SNX18: variants seen among roughly 807,000 people sequenced by gnomAD.
The protein encoded by SNX18 is sorting nexin-18.
In SNX18, 35 loss-of-function variants were observed where a neutral mutation model predicts 48.7. That is an observed-to-expected ratio of 0.72 (90% confidence interval 0.55 to 0.95). SNX18 has a LOEUF of 0.95. Among genes scored for constraint, SNX18 ranks in the 40% least tolerant of loss-of-function variants. SNX18 has a pLI of 0.00. For synonymous variants in SNX18, 492 were observed against 384.7 expected, an observed-to-expected ratio of 1.28 and a Z score of -3.26; for missense variants, 824 against 871.0, an observed-to-expected ratio of 0.95 and a Z score of 0.68.
the SNX18 span, among the ~76,000 whole-genome samples, chr5:54,567,152 G>A: frequency 1.3e-5 from 2 of 152,042 alleles, no homozygotes; most frequent in Non-Finnish European, 2.9e-5. Flanking sequence ...AGGTGACTTT[G>A]TCATTAAGGT....
chr5:54,554,683 C>A, the SNX18 span, among the ~76,000 whole-genome samples: 5 of 152,152 alleles, frequency 3.3e-5, no homozygotes, highest in African/African-American at 1.2e-4. Flanking sequence ...GTGTTAAAAG[C>A]AATGATGTGT....
the SNX18 span, among the ~76,000 whole-genome samples, chr5:54,635,676 T>C: frequency 6.6e-6 from 1 of 152,154 alleles, no homozygotes; most frequent in Non-Finnish European, 1.5e-5. Flanking sequence ...TCAGCAGAGA[T>C]CTTTCAGGAC....
chr5:54,585,240 TG>T, the SNX18 span, among the ~76,000 whole-genome samples: 1 of 150,994 alleles, frequency 6.6e-6, no homozygotes, highest in Non-Finnish European at 1.5e-5. Context: ...TGCAGTGAGT[TG>T]TTACCATGCT....
At chr5:54,568,053 C>G in the SNX18 span, among the ~76,000 whole-genome samples, 3 of 152,318 alleles carry the variant, frequency 2.0e-5, no homozygotes, top group Non-Finnish European at 4.4e-5. Context: ...TCATGCTTAA[C>G]TCACCCTTGG....
At chr5:54,548,893 C>T (rs1421623139), downstream of SNX18, among the ~76,000 whole-genome samples, 2 of 152,174 alleles carry the variant, frequency 1.3e-5, no homozygotes, top group Non-Finnish European at 2.9e-5. Flanking sequence ...TGTAGATGCT[C>T]AAGTCATAGA....
the SNX18 span, among the ~76,000 whole-genome samples, chr5:54,578,433 G>A: frequency 6.6e-6 from 1 of 152,194 alleles, no homozygotes; most frequent in Non-Finnish European, 1.5e-5. Flanking sequence ...CCCTTCAGCA[G>A]AGGCCCTGCG....
the SNX18 span, among the ~76,000 whole-genome samples, chr5:54,604,716 A>G: frequency 1.3e-5 from 2 of 152,214 alleles, no homozygotes; most frequent in African/African-American, 4.8e-5. Flanking sequence ...AACATTGTAA[A>G]TATGCTTAAT....
the SNX18 span, among the ~76,000 whole-genome samples, chr5:54,557,202 A>G: frequency 4.5e-4 from 69 of 152,324 alleles, no homozygotes; most frequent in Non-Finnish European, 7.3e-4. Flanking sequence ...CATACACCCA[A>G]TGCATGTCAG....
the SNX18 span, among the ~76,000 whole-genome samples, chr5:54,618,502 A>C: frequency 6.6e-6 from 1 of 152,194 alleles, no homozygotes; most frequent in Non-Finnish European, 1.5e-5. Context: ...GTGTCATGCT[A>C]GACCACTTCT....
chr5:54,632,795 G>C, the SNX18 span, among the ~76,000 whole-genome samples: 1 of 151,528 alleles, frequency 6.6e-6, no homozygotes, highest in South Asian at 2.1e-4. Context: ...TTTTTTTTGA[G>C]ATGGAGTCTT....
chr5:54,629,938 C>T, the SNX18 span, among the ~76,000 whole-genome samples: 1 of 152,160 alleles, frequency 6.6e-6, no homozygotes, highest in African/African-American at 2.4e-5. Flanking sequence ...TAGATTTTCC[C>T]TTAAGAACAA....
chr5:54,561,028 C>T, the SNX18 span, among the ~76,000 whole-genome samples: 7 of 152,152 alleles, frequency 4.6e-5, no homozygotes, highest in South Asian at 4.1e-4. Flanking sequence ...AATAGTCAAA[C>T]GTCTATTCTG....
the SNX18 span, among the ~76,000 whole-genome samples, chr5:54,590,550 G>C: frequency 6.6e-6 from 1 of 152,176 alleles, no homozygotes; most frequent in African/African-American, 2.4e-5. Context: ...TAGTGCAGGT[G>C]ATGTGGATTT....
Position 54,519,374 on chromosome 5 carries a change from C to T in SNX18, c.1422C>T (p.Leu474=). 6.2e-7 allele frequency: 1 copy of T among 1,613,374 alleles called. No individual in the cohort carries two copies. The highest frequency in any genetic ancestry group is 1.7e-4 in the Middle Eastern group (1 of 6,058). The change falls in exon 1 of 2, where the codon CTC becomes CTT. Residue 474 remains leucine (L), a synonymous_variant. Coordinates refer to ENST00000381410, the MANE Select transcript of SNX18 (RefSeq NM_001102575.2). ...AGGTGGGCCAGTCCTTCCGCGGCCT[C>T]AGCCAGGCCTTTGAGCTGGACCAGC... The part of the protein sequence containing the change: ...YQKVGQSFRG[L]SQAFELDQQA...
chr5:54,617,060 T>C, the SNX18 span, among the ~76,000 whole-genome samples: 40 of 152,286 alleles, frequency 2.6e-4, no homozygotes, highest in African/African-American at 8.7e-4. Context: ...TTTTGAGATA[T>C]AAACACTGAG....
chr5:54,610,526 T>C, the SNX18 span, among the ~76,000 whole-genome samples: 5 of 152,348 alleles, frequency 3.3e-5, no homozygotes, highest in South Asian at 1.0e-3. Flanking sequence ...TCAGCCAAGA[T>C]TGGAGATTCA....
the SNX18 span, among the ~76,000 whole-genome samples, chr5:54,611,807 C>T: frequency 2.0e-5 from 3 of 151,760 alleles, no homozygotes; most frequent in South Asian, 6.3e-4. Context: ...GGGATGTTTA[C>T]AGTGTTGGGG....
the SNX18 span, among the ~76,000 whole-genome samples, chr5:54,593,937 G>C: frequency 1.3e-5 from 2 of 152,160 alleles, no homozygotes; most frequent in African/African-American, 2.4e-5. Context: ...TTAAAGAAAA[G>C]ATAAGAAATC....
the SNX18 span, among the ~76,000 whole-genome samples, chr5:54,627,791 G>A: frequency 1.3e-5 from 2 of 152,162 alleles, no homozygotes; most frequent in Non-Finnish European, 2.9e-5. Flanking sequence ...TGCTCCCTAG[G>A]GGACTACATC....
Sources: gnomAD v4.1 joint callset for allele counts (sites outside exome capture counted in the v4.1 genomes callset) on GRCh38, gnomAD v4.1.1 for gene constraint, MANE v1.5 for transcripts, NCBI Gene and HGNC (gene_info 2026-07-23, HGNC 2026-07-21) for gene names.